The following ATG14 variants were observed in gnomAD, a reference collection of about 807,000 sequenced individuals.
ATG14 encodes beclin 1-associated autophagy-related key regulator.
A neutral mutation model predicts 60.4 loss-of-function variants in ATG14; 35 were observed. The ratio of observed to expected loss-of-function variants is 0.58; its 90% CI spans 0.44 to 0.77. ATG14 has a LOEUF of 0.77. ATG14 is among the 30% of genes least tolerant of loss of function. The pLI is 0.00. For missense variants in ATG14, 647 were observed against 626.3 expected (o/e 1.03, Z -0.35); for synonymous variants, 234 against 228.8 (o/e 1.02, Z -0.21).
intron 7 of ATG14, among the ~76,000 whole-genome samples, chr14:55,378,901 TCTCA>T (rs1475431615): frequency 6.6e-6 from 1 of 151,898 alleles, no homozygotes; most frequent in Non-Finnish European, 1.5e-5. Context: ...AGCGACAAGG[TCTCA>T]CTATGTTTCC....
At position 55,366,491 on chromosome 14, in the gene ATG14, A is replaced by C. The variant is rs1033648828; in HGVS notation, c.*3128T>G. ...TTGCAGAGCAATGGGGAATTCCTGC[A>C]ACATGATACTGTGAGGAGATTCTCG... On this transcript the variant is annotated 3_prime_UTR_variant, in exon 10 of 10. Transcript: ENST00000247178. 6.6e-6 allele frequency: 1 copy of C among 152,666 alleles called. No individual in the cohort carries two copies. Among genetic ancestry groups the C allele is most frequent in the African/African-American group, 2.4e-5 (1 of 41,458 alleles). The allele number at this position is 152,666 out of a possible 1,614,324, so 9.5% of individuals were successfully genotyped here.
intron 9 of ATG14, among the ~76,000 whole-genome samples, chr14:55,376,419 C>T (rs1243809485): frequency 6.6e-6 from 1 of 152,174 alleles, no homozygotes; most frequent in Non-Finnish European, 1.5e-5. Context: ...TTCCATGGCT[C>T]ATGAACCAAT....
chr14:55,407,418 T>A (rs966550422), intron 1 of ATG14, among the ~76,000 whole-genome samples: 1 of 152,058 alleles, frequency 6.6e-6, no homozygotes, highest in African/African-American at 2.4e-5. Flanking sequence ...CGTGAGCCAC[T>A]GCCCCCGGCC....
chr14:55,382,012 T>C lies in ATG14; in HGVS notation c.827A>G (p.Tyr276Cys). Residue 276 changes from tyrosine to cysteine, a missense_variant, in exon 6 of 10, where the codon TAC becomes TGC. Tyr to Cys is a radical substitution (Grantham distance 194, BLOSUM62 -2). Transcript: ENST00000247178. ...CTCCACCCAGCTGTAGTAGGCAGAG[T>C]AGTCCCCATTGTTAGGGAGGCTAAT... ...PWISLPNNGD[Y>C]SAYYSWVEEK... 6.2e-7 allele frequency: 1 copy of C among 1,614,174 alleles called. No individual in the cohort carries two copies. Among genetic ancestry groups the C allele is most frequent in the Non-Finnish European group, 8.5e-7 (1 of 1,180,020 alleles).
chr14:55,387,913 C>G (rs1269202005), intron 4 of ATG14, among the ~76,000 whole-genome samples: 2 of 152,184 alleles, frequency 1.3e-5, no homozygotes, highest in Non-Finnish European at 2.9e-5. Flanking sequence ...CCGCCCGCCT[C>G]GGCCTCCCAA....
At chr14:55,380,131 C>G (rs1330856888) in intron 7 of ATG14, among the ~76,000 whole-genome samples, 4 of 151,996 alleles carry the variant, frequency 2.6e-5, no homozygotes, top group African/African-American at 9.7e-5. Flanking sequence ...GCCTGTAATC[C>G]CAGCTACACA....
chr14:55,385,884 T>C lies in ATG14; in HGVS notation c.622A>G (p.Ile208Val), dbSNP rs1210495420. The change falls in exon 5 of 10, where the codon ATC becomes GTC. Residue 208 changes from isoleucine to valine, a missense_variant. Physicochemically the swap from Ile to Val is conservative, Grantham distance 29. Transcript: ENST00000247178. ...ILELTSVIFP[I>V]EEVKTGVRDP... ...CTCACACCCGTCTTTACTTCCTCGA[T>C]TGGAAAAATGACAGAGGTGAGCTCT... 11 of 1,612,124 alleles carry C rather than the reference T, an allele frequency of 6.8e-6. No individual in the cohort carries two copies. The highest frequency in any genetic ancestry group is 1.7e-5 in the Admixed American group (1 of 59,784).
At chr14:55,399,749 A>C (rs1885368277) in intron 1 of ATG14, among the ~76,000 whole-genome samples, 1 of 152,240 alleles carries the variant, frequency 6.6e-6, no homozygotes, top group Non-Finnish European at 1.5e-5. Context: ...ATCTCAAACC[A>C]TGCAAAGGAC....
Position 55,380,691 on chromosome 14 carries a change from CTG to C in ATG14, c.878-3_878-2del. 1 of 1,589,368 alleles carries C rather than the reference CTG, an allele frequency of 6.3e-7. No homozygotes were observed. The highest frequency in any genetic ancestry group is 8.6e-7 in the Non-Finnish European group (1 of 1,167,792). On this transcript the variant is annotated splice_acceptor_variant and splice_polypyrimidine_tract_variant and intron_variant, in intron 6 of 9. Coordinates refer to ENST00000247178, the MANE Select transcript of ATG14 (RefSeq NM_014924.5). LOFTEE classifies it high-confidence loss of function. ...TAGGCAGGGTTACTCTGCTCCATGT[CTG>C]CAGTAAGAAAACAACCACCATGTAC...
chr14:55,375,970 CT>C (rs1317588284), intron 9 of ATG14, among the ~76,000 whole-genome samples: 1 of 152,212 alleles, frequency 6.6e-6, no homozygotes, highest in Non-Finnish European at 1.5e-5. Flanking sequence ...ATTTTCCCCC[CT>C]AATTATTAAT....
At chr14:55,392,215 G>A (rs749845685) in intron 3 of ATG14, among the ~76,000 whole-genome samples, 1 of 152,188 alleles carries the variant, frequency 6.6e-6, no homozygotes, top group Non-Finnish European at 1.5e-5. Flanking sequence ...CTGACAGGAG[G>A]TGGAGCTCAG....
At chr14:55,384,019 G>A (rs952152551) in intron 5 of ATG14, among the ~76,000 whole-genome samples, 3 of 152,140 alleles carry the variant, frequency 2.0e-5, no homozygotes, top group Admixed American at 6.5e-5. Flanking sequence ...CACAACATAC[G>A]TATAAGATAG....
At chr14:55,372,710 G>T (rs1458874107) in intron 9 of ATG14, among the ~76,000 whole-genome samples, 1 of 149,628 alleles carries the variant, frequency 6.7e-6, no homozygotes, top group Non-Finnish European at 1.5e-5. Context: ...TTTTACCACA[G>T]CTCCTTCCTT....
chr14:55,371,958 C>G (rs1884828862), intron 9 of ATG14, among the ~76,000 whole-genome samples: 1 of 152,194 alleles, frequency 6.6e-6, no homozygotes, highest in Non-Finnish European at 1.5e-5. Flanking sequence ...CTAATGGCCA[C>G]TGCAGTTTTT....
chr14:55,388,795 T>C (rs1407730020), intron 4 of ATG14, among the ~76,000 whole-genome samples: 1 of 152,174 alleles, frequency 6.6e-6, no homozygotes, highest in East Asian at 1.9e-4. Context: ...ACATGTACAT[T>C]CTAAAAGAGC....
intron 3 of ATG14, chr14:55,395,290 C>T (rs1885294479): frequency 6.9e-6 from 2 of 290,558 alleles, no homozygotes; most frequent in South Asian, 6.9e-5. Flanking sequence ...CATCTAGAGC[C>T]TCAGCAAAGC....
chr14:55,378,172 G>A (rs907008796), intron 7 of ATG14, 98 bp from the exon 8 acceptor site: 1 of 974,852 alleles, frequency 1.0e-6, no homozygotes, highest in African/African-American at 1.6e-5. Flanking sequence ...CACATACTCT[G>A]TGCCCTTTTA....
At chr14:55,393,371 C>T (rs917661300) in intron 3 of ATG14, among the ~76,000 whole-genome samples, 1 of 149,792 alleles carries the variant, frequency 6.7e-6, no homozygotes, top group African/African-American at 2.5e-5. Context: ...GGTGACAGAG[C>T]GAGACTCTGT....
chr14:55,375,490 A>AATTTTTTTTT (rs1555341540), intron 9 of ATG14, among the ~76,000 whole-genome samples: 1 of 117,798 alleles, frequency 8.5e-6, no homozygotes. Context: ...GCCGGGCTAA[A>AATTTTTTTTT]TTTTTTTTTT....
Sources: allele counts gnomAD v4.1 joint callset (sites outside exome capture counted in the v4.1 genomes callset), GRCh38; gene constraint gnomAD v4.1.1; transcripts MANE v1.5; gene names NCBI Gene and HGNC (gene_info 2026-07-23, HGNC 2026-07-21).